FHIT: variants seen among roughly 807,000 people sequenced by gnomAD.
FHIT encodes fragile histidine triad diadenosine triphosphatase.
In FHIT, 19 loss-of-function variants were observed where a neutral mutation model predicts 17.9. The ratio of observed to expected loss-of-function variants is 1.06; its 90% CI spans 0.74 to 1.56. The LOEUF (loss-of-function observed/expected upper bound fraction) is 1.56. Ranked by LOEUF, FHIT falls within the 40% of genes most tolerant of loss-of-function variation. The pLI, the probability that FHIT is intolerant of heterozygous loss-of-function variation, is 0.00. For synonymous variants in FHIT, 81 were observed against 69.7 expected (o/e 1.16, Z -0.81); for missense variants, 248 against 189.2 (o/e 1.31, Z -1.82).
chr3:60,898,073 C>T (rs1012783445), intron 3 of FHIT, among the ~76,000 whole-genome samples: 2 of 152,092 alleles, frequency 1.3e-5, no homozygotes, highest in African/African-American at 4.8e-5. Flanking sequence ...TGTAAACACA[C>T]ACCTATTTAA....
chr3:60,068,396 T>A (rs548884590), intron 5 of FHIT, among the ~76,000 whole-genome samples: 4 of 152,274 alleles, frequency 2.6e-5, no homozygotes, highest in African/African-American at 9.6e-5. Flanking sequence ...GTTCCCAGGG[T>A]TAAGCTGGAG....
chr3:60,165,030 A>G (rs773282137), intron 5 of FHIT, among the ~76,000 whole-genome samples: 1 of 152,178 alleles, frequency 6.6e-6, no homozygotes, highest in African/African-American at 2.4e-5. Flanking sequence ...GGCAGTTTAG[A>G]TCACAGATCC....
At chr3:60,245,902 A>G (rs765266121) in intron 5 of FHIT, among the ~76,000 whole-genome samples, 6 of 152,058 alleles carry the variant, frequency 3.9e-5, no homozygotes, top group Non-Finnish European at 7.4e-5. Flanking sequence ...ACAAAACCAA[A>G]ACAAGCCATT....
chr3:59,962,974 G>C (rs1406158998), intron 7 of FHIT, among the ~76,000 whole-genome samples: 2 of 152,094 alleles, frequency 1.3e-5, no homozygotes, highest in African/African-American at 2.4e-5. Flanking sequence ...AAAATGTATT[G>C]GCCAGGTGCA....
At position 60,071,624 on chromosome 3, in the gene FHIT, CCTG is replaced by C. The variant is rs1702775234; in HGVS notation, c.104-57475_104-57473del. Among the ~76,000 whole-genome samples, 4 of 152,214 alleles carry C rather than the reference CCTG, an allele frequency of 2.6e-5. No individual in the cohort carries two copies. In the South Asian group the frequency reaches 8.3e-4, roughly 32 times the overall value. Reference sequence around the variant, plus strand: ...TTGTTGAATGTCTATCTGTTTATGACCTGCAGCAAAGTTAGCCAAAATGCTCAA... The same window carrying C: ...TTGTTGAATGTCTATCTGTTTATGACCAGCAAAGTTAGCCAAAATGCTCAA... On this transcript the variant is annotated intron_variant, in intron 5 of 9. Coordinates refer to ENST00000492590, the MANE Select transcript of FHIT (RefSeq NM_002012.4).
chr3:60,905,137 A>G (rs921555150), intron 3 of FHIT, among the ~76,000 whole-genome samples: 3 of 152,182 alleles, frequency 2.0e-5, no homozygotes, highest in Non-Finnish European at 4.4e-5. Context: ...TATCAATAGG[A>G]GAACCTGGGT....
intron 5 of FHIT, among the ~76,000 whole-genome samples, chr3:60,122,731 G>A (rs1195486213): frequency 6.6e-6 from 1 of 152,146 alleles, no homozygotes; most frequent in African/African-American, 2.4e-5. Flanking sequence ...CCACAGTGAA[G>A]TCTAGAAAAA....
chr3:61,147,000 C>T (rs2037244697), intron 2 of FHIT, among the ~76,000 whole-genome samples: 1 of 151,894 alleles, frequency 6.6e-6, no homozygotes, highest in African/African-American at 2.4e-5. Context: ...TTGTTTCCAC[C>T]CAGTGGAAAT....
intron 4 of FHIT, among the ~76,000 whole-genome samples, chr3:60,724,645 C>A: frequency 7.1e-6 from 1 of 141,670 alleles, no homozygotes; most frequent in African/African-American, 2.7e-5. Flanking sequence ...TATTAACTGT[C>A]TGTTTTTTTT....
intron 8 of FHIT, among the ~76,000 whole-genome samples, chr3:59,854,131 G>A (rs753945352): frequency 1.2e-4 from 19 of 152,172 alleles, no homozygotes; most frequent in Admixed American, 2.6e-4. Flanking sequence ...TGCATTGATT[G>A]GTATCAAAAG....
chr3:60,626,181 C>T (rs1231963359), intron 4 of FHIT, among the ~76,000 whole-genome samples: 1 of 152,086 alleles, frequency 6.6e-6, no homozygotes, highest in African/African-American at 2.4e-5. Context: ...CACTTTTTTT[C>T]AAGACTGTTT....
chr3:61,178,997 T>C (rs979981880), intron 2 of FHIT, among the ~76,000 whole-genome samples: 1 of 142,022 alleles, frequency 7.0e-6, no homozygotes, highest in South Asian at 2.3e-4. Context: ...ACATTATTTC[T>C]TTTTCTTTTT....
In FHIT at chr3:61,216,219, G is replaced by A. The variant is rs528442686; in HGVS notation, c.-212-15554C>T. Among the ~76,000 whole-genome samples the A allele has an allele frequency of 1.2e-4, 18 of 152,262 alleles. No homozygotes were observed. In the East Asian group the frequency reaches 3.1e-3, roughly 26 times the overall value. On this transcript the variant is annotated intron_variant, in intron 1 of 9. Coordinates refer to ENST00000492590, the MANE Select transcript of FHIT (RefSeq NM_002012.4). ...GAGTGAACAGGCAACCTACAGAATC[G>A]GAGAAAATGTTTGCAACCTACTCAT... is the stretch of plus-strand genomic sequence containing the variant.
At chr3:60,430,347 G>A (rs1274146452) in intron 5 of FHIT, among the ~76,000 whole-genome samples, 1 of 151,832 alleles carries the variant, frequency 6.6e-6, no homozygotes, top group East Asian at 1.9e-4. Flanking sequence ...TTCTTCCACA[G>A]AGAGGAAGAA....
chr3:60,195,659 CAT>C (rs1225141894), intron 5 of FHIT, among the ~76,000 whole-genome samples: 17 of 145,824 alleles, frequency 1.2e-4, no homozygotes, highest in Non-Finnish European at 2.1e-4. Context: ...TATATACACA[CAT>C]ATATATATGT....
At chr3:60,423,604 T>C (rs930899725) in intron 5 of FHIT, among the ~76,000 whole-genome samples, 3 of 152,194 alleles carry the variant, frequency 2.0e-5, no homozygotes, top group Admixed American at 1.3e-4. Flanking sequence ...AGTTTAAGAA[T>C]GACATTTTCT....
intron 4 of FHIT, among the ~76,000 whole-genome samples, chr3:60,553,763 C>G (rs575731983): frequency 6.6e-6 from 1 of 151,976 alleles, no homozygotes; most frequent in Non-Finnish European, 1.5e-5. Context: ...ACACCAGCAT[C>G]AAGGCCTAGA....
At position 60,151,352 on chromosome 3, in the gene FHIT, C is replaced by A. The variant is rs368617082; in HGVS notation, c.104-137200G>T. Among the ~76,000 whole-genome samples the A allele has an allele frequency of 3.9e-5, 6 of 152,156 alleles. No individual in the cohort carries two copies. The South Asian group carries it at 6.2e-4, about 16-fold the overall frequency. On this transcript the variant is annotated intron_variant, in intron 5 of 9. Transcript: ENST00000492590. The stretch of plus-strand genomic sequence containing the variant: ...ATATCAAGACTCTGATCACTTCTTA[C>A]CATTCACACCATTATCATCAAGTTG...
intron 4 of FHIT, among the ~76,000 whole-genome samples, chr3:60,768,258 T>C (rs1699918416): frequency 6.6e-6 from 1 of 151,970 alleles, no homozygotes; most frequent in Non-Finnish European, 1.5e-5. Context: ...GAATGAGGCA[T>C]TAGGAAGAAA....
Sources: allele counts gnomAD v4.1 joint callset (sites outside exome capture counted in the v4.1 genomes callset), GRCh38; gene constraint gnomAD v4.1.1; transcripts MANE v1.5; gene names NCBI Gene and HGNC (gene_info 2026-07-23, HGNC 2026-07-21).